The following BMPR1A variants were observed in gnomAD, a reference collection of about 807,000 sequenced individuals.
The protein encoded by BMPR1A is bone morphogenetic protein receptor type-1A.
Under a neutral mutation model 66.0 loss-of-function variants are expected in BMPR1A, and 7 were observed. The observed-to-expected ratio is 0.11, with a 90% CI of 0.06 to 0.20. The LOEUF (loss-of-function observed/expected upper bound fraction) is 0.20. BMPR1A is among the 10% of genes least tolerant of loss of function. The pLI, the probability that BMPR1A is intolerant of heterozygous loss-of-function variation, is 1.00. For missense variants in BMPR1A, 408 were observed against 669.1 expected, an observed-to-expected ratio of 0.61 and a Z score of 4.31; for synonymous variants, 200 against 229.7, an observed-to-expected ratio of 0.87 and a Z score of 1.17.
chr10:86,777,553 G>T (rs1447576363), intron 1 of BMPR1A, among the ~76,000 whole-genome samples: 1 of 151,984 alleles, frequency 6.6e-6, no homozygotes, highest in Non-Finnish European at 1.5e-5. Context: ...CTGTACTCCA[G>T]TGGGTGACTG....
intron 2 of BMPR1A, among the ~76,000 whole-genome samples, chr10:86,868,696 A>G (rs1842814946): frequency 6.6e-6 from 1 of 151,908 alleles, no homozygotes; most frequent in Non-Finnish European, 1.5e-5. Flanking sequence ...GTGAAAATCA[A>G]CGGTGGGGGG....
intron 1 of BMPR1A, among the ~76,000 whole-genome samples, chr10:86,812,708 T>C (rs1841987834): frequency 6.6e-6 from 1 of 152,190 alleles, no homozygotes; most frequent in Non-Finnish European, 1.5e-5. Context: ...AGAGTTCCCA[T>C]ATCCCCCCAA....
intron 1 of BMPR1A, among the ~76,000 whole-genome samples, chr10:86,794,113 C>A (rs1413932290): frequency 2.6e-5 from 4 of 152,172 alleles, no homozygotes; most frequent in Non-Finnish European, 5.9e-5. Flanking sequence ...TCTGCAAAGT[C>A]CCTTTTGCCA....
intron 1 of BMPR1A, among the ~76,000 whole-genome samples, chr10:86,803,695 AC>A (rs1394562129): frequency 1.3e-5 from 2 of 152,158 alleles, no homozygotes; most frequent in Admixed American, 1.3e-4. Context: ...GTGGAATCAC[AC>A]TGTTTATATC....
At chr10:86,843,016 G>A (rs1417694617) in intron 2 of BMPR1A, among the ~76,000 whole-genome samples, 4 of 152,158 alleles carry the variant, frequency 2.6e-5, no homozygotes, top group Non-Finnish European at 5.9e-5. Context: ...GATATGAATG[G>A]TAGTTTGGAA....
intron 1 of BMPR1A, among the ~76,000 whole-genome samples, chr10:86,827,730 A>G (rs1265108348): frequency 2.0e-5 from 3 of 152,192 alleles, no homozygotes; most frequent in African/African-American, 4.8e-5. Context: ...GTTTTAGCCT[A>G]TTTAGTTAGA....
intron 1 of BMPR1A, among the ~76,000 whole-genome samples, chr10:86,776,913 A>G (rs775333861): frequency 6.6e-6 from 1 of 152,128 alleles, no homozygotes; most frequent in Non-Finnish European, 1.5e-5. Context: ...CAGTTCTGTT[A>G]TACAATAATA....
chr10:86,779,556 G>C (rs1386791683), intron 1 of BMPR1A, among the ~76,000 whole-genome samples: 4 of 152,152 alleles, frequency 2.6e-5, no homozygotes, highest in Non-Finnish European at 5.9e-5. Flanking sequence ...ACTGGGGTTA[G>C]AGTTGTGGTT....
intron 9 of BMPR1A, among the ~76,000 whole-genome samples, chr10:86,917,717 C>G (rs992522258): frequency 6.6e-6 from 1 of 152,120 alleles, no homozygotes; most frequent in Admixed American, 6.5e-5. Flanking sequence ...TGTGTGTTTC[C>G]CCCCATCTCC....
At chr10:86,931,298 C>CACACACACACACATATATAT, downstream of BMPR1A, 36 of 90,922 alleles carry the variant, frequency 4.0e-4, 3 homozygotes, top group African/African-American at 2.1e-3. Context: ...CACACACACA[C>CACACACACACACATATATAT]ATATATATAT....
intron 1 of BMPR1A, among the ~76,000 whole-genome samples, chr10:86,805,417 A>T (rs996175039): frequency 9.6e-6 from 1 of 103,760 alleles, no homozygotes; most frequent in African/African-American, 4.0e-5. Context: ...TTTAAGAGTG[A>T]GGTTGTATAT....
chr10:86,821,512 A>T lies in BMPR1A; in HGVS notation c.-267-17353A>T, dbSNP rs1589731907. Among the ~76,000 whole-genome samples, 3 of 152,112 alleles carry T rather than the reference A, an allele frequency of 2.0e-5. No homozygotes were observed. The East Asian group carries it at 5.8e-4, about 29-fold the overall frequency. On this transcript the variant is annotated intron_variant, in intron 1 of 12. Transcript: ENST00000372037. ...TTAAATGTGGATTTTTATTAGTAGG[A>T]TTGCTCAGCTAGTGGGTACATCATG... is the stretch of plus-strand genomic sequence containing the variant.
intron 2 of BMPR1A, among the ~76,000 whole-genome samples, chr10:86,858,906 T>C (rs1842678834): frequency 6.6e-6 from 1 of 151,940 alleles, no homozygotes; most frequent in Non-Finnish European, 1.5e-5. Flanking sequence ...ACAGTCTTCA[T>C]AGAAATAGAA....
chr10:86,782,055 GT>G (rs56073781), intron 1 of BMPR1A, among the ~76,000 whole-genome samples: 151,850 of 151,856 alleles, frequency 1, 75,922 homozygotes, highest in Middle Eastern at 1. Flanking sequence ...TAGAGACGGG[GT>G]TTCACTACGT....
intron 3 of BMPR1A, among the ~76,000 whole-genome samples, chr10:86,877,415 G>A (rs1039499499): frequency 6.6e-6 from 1 of 152,002 alleles, no homozygotes; most frequent in Non-Finnish European, 1.5e-5. Context: ...CACCGTGTTA[G>A]CCAGGATGGT....
intron 1 of BMPR1A, among the ~76,000 whole-genome samples, chr10:86,764,759 C>T (rs1841136487): frequency 6.6e-6 from 1 of 152,224 alleles, no homozygotes; most frequent in South Asian, 2.1e-4. Context: ...TAGATAGCCA[C>T]TACCACATGT....
chr10:86,768,830 C>A (rs1589706592), intron 1 of BMPR1A, among the ~76,000 whole-genome samples: 2 of 152,152 alleles, frequency 1.3e-5, no homozygotes, highest in Non-Finnish European at 2.9e-5. Flanking sequence ...TCTAAGCCTT[C>A]TTTTCTCATA....
At position 86,838,494 on chromosome 10, in the gene BMPR1A, T is replaced by A. The variant is rs777061108; in HGVS notation, c.-267-371T>A. On this transcript the variant is annotated intron_variant, in intron 1 of 12. Coordinates refer to ENST00000372037, the MANE Select transcript of BMPR1A (RefSeq NM_004329.3). Reference sequence around the variant, plus strand: ...AAGTGATATTAGCTAGGTGGTCCAATATATTTTTGTCTAAGTAGGAATCTG... The same window carrying A: ...AAGTGATATTAGCTAGGTGGTCCAAAATATTTTTGTCTAAGTAGGAATCTG... Among the ~76,000 whole-genome samples, 48 of 151,868 alleles carry A rather than the reference T, an allele frequency of 3.2e-4. 1 individual carries two copies. The highest frequency in any genetic ancestry group is 2.5e-4 in the Non-Finnish European group (17 of 67,996).
At chr10:86,802,819 G>C (rs563402369) in intron 1 of BMPR1A, among the ~76,000 whole-genome samples, 1 of 150,646 alleles carries the variant, frequency 6.6e-6, no homozygotes. Flanking sequence ...AAAAAAAAAA[G>C]GAGTTAATTG....
Sources: gnomAD v4.1 joint callset for allele counts (sites outside exome capture counted in the v4.1 genomes callset) on GRCh38, gnomAD v4.1.1 for gene constraint, MANE v1.5 for transcripts, NCBI Gene and HGNC (gene_info 2026-07-23, HGNC 2026-07-21) for gene names.